ARAP2: variants seen among roughly 807,000 people sequenced by gnomAD.
ARAP2 encodes the protein arf-GAP with Rho-GAP domain, ANK repeat and PH domain-containing protein 2.
A neutral mutation model predicts 194.5 loss-of-function variants in ARAP2; 148 were observed. That is an observed-to-expected ratio of 0.76 (90% CI 0.67 to 0.87). The LOEUF (loss-of-function observed/expected upper bound fraction) is 0.87, where lower values mean the gene tolerates loss of function less well. ARAP2 is among the 40% of genes least tolerant of loss of function. ARAP2 has a pLI of 0.00. For synonymous variants in ARAP2, 695 were observed against 683.5 expected, an observed-to-expected ratio of 1.02 and a Z score of -0.26; for missense variants, 2,128 against 1,989.7, an observed-to-expected ratio of 1.07 and a Z score of -1.32.
chr4:36,008,061 A>T (rs2109301709), intron 9 of ARAP2, among the ~76,000 whole-genome samples: 1 of 152,308 alleles, frequency 6.6e-6, no homozygotes, highest in South Asian at 2.1e-4. Flanking sequence ...AATAAATTGA[A>T]AAATGACCCA....
chr4:36,171,409 C>G (rs978757100), intron 9 of ARAP2, among the ~76,000 whole-genome samples: 1 of 152,012 alleles, frequency 6.6e-6, no homozygotes, highest in Non-Finnish European at 1.5e-5. Context: ...TCTCAGCAAA[C>G]TATCGCAAGG....
chr4:36,010,634 G>A (rs1418420175), intron 9 of ARAP2, among the ~76,000 whole-genome samples: 1 of 152,056 alleles, frequency 6.6e-6, no homozygotes, highest in East Asian at 1.9e-4. Flanking sequence ...TCAGATTCAT[G>A]AGGGACCTAA....
chr4:36,009,379 C>A (rs1397788419), intron 9 of ARAP2, among the ~76,000 whole-genome samples: 2 of 152,112 alleles, frequency 1.3e-5, no homozygotes, highest in East Asian at 3.8e-4. Flanking sequence ...GATTTCATGT[C>A]TTTTGCACCA....
At chr4:36,223,070 C>A (rs1472375804) in intron 2 of ARAP2, among the ~76,000 whole-genome samples, 4 of 152,002 alleles carry the variant, frequency 2.6e-5, no homozygotes, top group Non-Finnish European at 5.9e-5. Context: ...ATAAACATAT[C>A]CAGGTAATAT....
chr4:36,028,848 T>A (rs1345122750), intron 5 of ARAP2, among the ~76,000 whole-genome samples: 1 of 152,046 alleles, frequency 6.6e-6, no homozygotes, highest in Non-Finnish European at 1.5e-5. Flanking sequence ...CTGTTTTATC[T>A]TTTCCCCTAC....
intron 2 of ARAP2, 48 bp downstream of exon 2, chr4:36,228,533 CT>C: frequency 1.3e-6 from 2 of 1,491,252 alleles, no homozygotes. Flanking sequence ...AAAAAAATCA[CT>C]GAATTTCCTC....
Position 36,177,932 on chromosome 4 carries a change from A to G in ARAP2, c.1752T>C (p.Ala584=), listed in dbSNP as rs762224591. The G allele has an allele frequency of 5.0e-6, 8 of 1,613,578 alleles. No homozygotes were observed. In the Admixed American group the frequency reaches 1.2e-4, roughly 24 times the overall value. Residue 584 remains alanine (A), a synonymous_variant, in exon 9 of 33, where the codon GCT becomes GCC. Coordinates refer to ENST00000303965, the MANE Select transcript of ARAP2 (RefSeq NM_015230.4). ...ATCCACATTTCTCAGGTGTAACAAC[A>G]GCTTGAGACTGCGAGGTAAGGGATT... The part of the protein sequence containing the change: ...KSQSLTSQSQ[A]VVTPEKCGYL...
At chr4:36,232,200 G>A (rs1751612746) in intron 1 of ARAP2, among the ~76,000 whole-genome samples, 1 of 152,210 alleles carries the variant, frequency 6.6e-6, no homozygotes, top group Non-Finnish European at 1.5e-5. Flanking sequence ...CAGCTGAGCT[G>A]ACTAATACAC....
At chr4:36,020,229 G>A (rs1716676258) in intron 5 of ARAP2, among the ~76,000 whole-genome samples, 1 of 152,152 alleles carries the variant, frequency 6.6e-6, no homozygotes, top group South Asian at 2.1e-4. Flanking sequence ...TGGTCAACAT[G>A]GTGAAACCCC....
intron 27 of ARAP2, among the ~76,000 whole-genome samples, chr4:36,106,114 A>T (rs944976805): frequency 1.3e-5 from 2 of 151,894 alleles, no homozygotes; most frequent in Non-Finnish European, 2.9e-5. Context: ...GACAGTCAGA[A>T]ATGTCTTAAG....
At chr4:36,227,089 T>C (rs1750487472) in intron 2 of ARAP2, among the ~76,000 whole-genome samples, 1 of 152,154 alleles carries the variant, frequency 6.6e-6, no homozygotes, top group South Asian at 2.1e-4. Flanking sequence ...TTCAACAATA[T>C]TTACTCAATG....
intron 7 of ARAP2, chr4:36,015,764 G>A (rs536017833): frequency 6.6e-6 from 1 of 152,166 alleles, no homozygotes; most frequent in Non-Finnish European, 1.5e-5. Context: ...ACCTCTTGAA[G>A]TGAGAAGCTA....
intron 30 of ARAP2, among the ~76,000 whole-genome samples, chr4:36,081,430 G>A (rs1281798382): frequency 6.6e-6 from 1 of 152,154 alleles, no homozygotes; most frequent in Non-Finnish European, 1.5e-5. Flanking sequence ...AGCAAGGAAT[G>A]CGTGGTGAAT....
chr4:36,150,794 T>C (rs1730783631), intron 16 of ARAP2, 106 bp downstream of exon 16: 31 of 1,256,084 alleles, frequency 2.5e-5, no homozygotes, highest in Non-Finnish European at 3.2e-5. Context: ...ATTCAACCCT[T>C]CTATTAGAAG....
chr4:36,017,191 GA>G (rs1560270206), intron 6 of ARAP2, among the ~76,000 whole-genome samples: 1 of 151,502 alleles, frequency 6.6e-6, no homozygotes, highest in African/African-American at 2.4e-5. Context: ...AGATAAAAAT[GA>G]AAAATGGATA....
In ARAP2 at chr4:36,158,755, G is replaced by C; in HGVS notation, c.2727C>G (p.Leu909=). The C allele has an allele frequency of 6.2e-7, 1 of 1,608,722 alleles. No homozygotes were observed. Among genetic ancestry groups the C allele is most frequent in the Non-Finnish European group, 8.5e-7 (1 of 1,178,382 alleles). Residue 909 remains leucine, a synonymous_variant, in exon 15 of 33, where the codon CTC becomes CTG. Coordinates refer to ENST00000303965, the MANE Select transcript of ARAP2 (RefSeq NM_015230.4). ...LYQAPSAASK[L]SSEKKLLEET... Reference sequence around the variant, plus strand: ...CTTCAAGCAGTTTTTTCTCTGAAGAGAGTTTAGAAGCAGCAGAAGGAGCTT... The same window carrying C: ...CTTCAAGCAGTTTTTTCTCTGAAGACAGTTTAGAAGCAGCAGAAGGAGCTT...
At chr4:36,223,880 T>C (rs1749679763) in intron 2 of ARAP2, among the ~76,000 whole-genome samples, 1 of 152,140 alleles carries the variant, frequency 6.6e-6, no homozygotes, top group African/African-American at 2.4e-5. Context: ...AAAATTTCTA[T>C]TGGTTAAACT....
intron 8 of ARAP2, among the ~76,000 whole-genome samples, chr4:36,014,169 G>A (rs7694575): frequency 0.21 from 21,485 of 101,952 alleles, 3,762 homozygotes; most frequent in Middle Eastern, 0.28. Context: ...TGAAGCTGCA[G>A]TGAGCTGACA....
rs949773110 is a variant in ARAP2 at position 36,244,240 on chromosome 4, G to A, written c.-221C>T. ...AGGCGGCGCTGGGAAGCTCAGCGCCGGCGTCTCTCCCAGCCTTGGGCGCTC... is the reference window on the plus strand; with the variant it reads ...AGGCGGCGCTGGGAAGCTCAGCGCCAGCGTCTCTCCCAGCCTTGGGCGCTC... On this transcript the variant is annotated 5_prime_UTR_variant, in exon 1 of 33. Transcript: ENST00000303965. 1 of 151,970 alleles carries A rather than the reference G, an allele frequency of 6.6e-6. No homozygotes were observed. The highest frequency in any genetic ancestry group is 6.5e-5 in the Admixed American group (1 of 15,282). 9.4% of individuals were successfully genotyped at this position (151,970 alleles called of 1,614,324 possible).
Sources: allele counts gnomAD v4.1 joint callset (sites outside exome capture counted in the v4.1 genomes callset), GRCh38; gene constraint gnomAD v4.1.1; transcripts MANE v1.5; gene names NCBI Gene and HGNC (gene_info 2026-07-23, HGNC 2026-07-21).